JADE3: variants seen among roughly 807,000 people sequenced by gnomAD.
JADE3 encodes protein Jade-3.
A neutral mutation model predicts 50.1 loss-of-function variants in JADE3; 2 were observed. That is an observed-to-expected ratio of 0.04 (90% CI 0.02 to 0.13). The LOEUF (loss-of-function observed/expected upper bound fraction) is 0.13. Ranked by LOEUF, JADE3 falls within the 10% of genes least tolerant of loss-of-function variation. The probability of loss-of-function intolerance (pLI) is 1.00; values close to 1 mark genes in which losing one functional copy is unlikely to be tolerated. For missense variants in JADE3, 475 were observed against 634.4 expected (o/e 0.75, Z 2.70); for synonymous variants, 218 against 232.9 (o/e 0.94, Z 0.58).
At chrX:47,053,069 A>T (rs193080760) in intron 8 of JADE3, among the ~76,000 whole-genome samples, 3,318 of 109,480 alleles carry the variant, frequency 0.03, 54 homozygotes, top group Non-Finnish European at 0.041. Flanking sequence ...AAATTTTTTT[A>T]AAAAATGAAA....
intron 1 of JADE3, among the ~76,000 whole-genome samples, chrX:46,915,304 A>G (rs1926058020): frequency 8.9e-6 from 1 of 112,156 alleles, no homozygotes; most frequent in African/African-American, 3.2e-5. Flanking sequence ...CTTACACAAA[A>G]TAGGAGCTGA....
intron 1 of JADE3, among the ~76,000 whole-genome samples, chrX:46,977,541 G>C (rs1231716710): frequency 8.9e-6 from 1 of 112,105 alleles, no homozygotes; most frequent in African/African-American, 3.2e-5. Context: ...ATACAATATA[G>C]TATTGTTAAC....
chrX:47,051,828 G>A (rs1929514997), intron 8 of JADE3, among the ~76,000 whole-genome samples: 1 of 107,778 alleles, frequency 9.3e-6, no homozygotes, highest in African/African-American at 3.4e-5. Context: ...TGGCACAGTG[G>A]CTTATGCCTG....
intron 1 of JADE3, among the ~76,000 whole-genome samples, chrX:46,981,543 T>C (rs1927754119): frequency 8.9e-6 from 1 of 112,047 alleles, no homozygotes; most frequent in African/African-American, 3.2e-5. Context: ...GAATGAAATT[T>C]TGCACCAGAG....
At chrX:46,917,858 CCTCTCTCT>C (rs150958785) in intron 1 of JADE3, among the ~76,000 whole-genome samples, 5 of 22,848 alleles carry the variant, frequency 2.2e-4, no homozygotes, top group Admixed American at 5.4e-4. Context: ...TCTCTCTCAT[CCTCTCTCT>C]CTCTCTCTCT....
chrX:46,958,617 C>G (rs1227757717), intron 1 of JADE3, among the ~76,000 whole-genome samples: 1 of 111,780 alleles, frequency 8.9e-6, no homozygotes, highest in Non-Finnish European at 1.9e-5. Flanking sequence ...CAGAAAAGAG[C>G]CTAAAGTAAG....
chrX:47,038,131 C>A (rs981479439), intron 7 of JADE3, among the ~76,000 whole-genome samples: 1 of 112,062 alleles, frequency 8.9e-6, no homozygotes, highest in Non-Finnish European at 1.9e-5. Context: ...GGATTTCGTT[C>A]TTTTATATGG....
At chrX:46,941,985 G>A (rs1189329490) in intron 1 of JADE3, among the ~76,000 whole-genome samples, 1 of 105,794 alleles carries the variant, frequency 9.5e-6, no homozygotes, top group African/African-American at 3.5e-5. Context: ...CAAGCAATCT[G>A]CCCACTTTAA....
chrX:47,054,783 T>C (rs1282884215), intron 9 of JADE3, among the ~76,000 whole-genome samples, 155 bp downstream of exon 9: 1 of 111,672 alleles, frequency 9.0e-6, no homozygotes, highest in Non-Finnish European at 1.9e-5. Context: ...GACATTGGGC[T>C]CTGTGTAAAT....
At chrX:47,008,369 G>C (rs1025175535) in intron 4 of JADE3, among the ~76,000 whole-genome samples, 1 of 111,746 alleles carries the variant, frequency 8.9e-6, no homozygotes, top group African/African-American at 3.3e-5. Flanking sequence ...CACTTAGAAG[G>C]GAATATGACA....
At position 47,059,346 on chromosome X, in the gene JADE3, G is replaced by T; in HGVS notation, c.*269G>T. ...GGGTATTTGCTCAGTAAATATTTTG[G>T]GGCAGCTTTCCGGTTATATAACACA... On this transcript the variant is annotated 3_prime_UTR_variant, in exon 11 of 11. Coordinates refer to ENST00000614628, the MANE Select transcript of JADE3 (RefSeq NM_014735.5). 3.4e-6 allele frequency: 1 copy of T among 296,702 alleles called. No homozygotes were observed. The highest frequency in any genetic ancestry group is 5.9e-6 in the Non-Finnish European group (1 of 170,531). 24.5% of individuals were successfully genotyped at this position (296,702 alleles called of 1,213,427 possible).
At chrX:46,918,143 C>G (rs1926147948) in intron 1 of JADE3, among the ~76,000 whole-genome samples, 1 of 111,252 alleles carries the variant, frequency 9.0e-6, no homozygotes, top group African/African-American at 3.3e-5. Context: ...TTTAATTAGG[C>G]TCATATAGCT....
chrX:46,969,680 TAC>T (rs1927444666), intron 1 of JADE3, among the ~76,000 whole-genome samples: 1 of 111,268 alleles, frequency 9.0e-6, no homozygotes, highest in Non-Finnish European at 1.9e-5. Context: ...CTACTTAAAA[TAC>T]AAAAATTAGG....
chrX:46,970,840 G>C (rs1927466984), intron 1 of JADE3, among the ~76,000 whole-genome samples: 2 of 111,842 alleles, frequency 1.8e-5, no homozygotes, highest in Non-Finnish European at 1.9e-5. Context: ...TATTGTAAAT[G>C]TATAATGGGT....
intron 1 of JADE3, among the ~76,000 whole-genome samples, chrX:46,940,200 C>G (rs927002877): frequency 8.9e-6 from 1 of 112,404 alleles, no homozygotes; most frequent in African/African-American, 3.2e-5. Flanking sequence ...GAATAAGTAT[C>G]TTAGATGTGA....
chrX:47,020,103 G>T (rs1201207065), intron 4 of JADE3, among the ~76,000 whole-genome samples: 1 of 111,738 alleles, frequency 8.9e-6, no homozygotes, highest in African/African-American at 3.3e-5. Context: ...GGCTGAGGCA[G>T]GTGGATCACC....
chrX:46,923,337 GGTTT>G (rs1189901560), intron 1 of JADE3, among the ~76,000 whole-genome samples: 3 of 95,975 alleles, frequency 3.1e-5, no homozygotes, highest in Admixed American at 2.4e-4. Flanking sequence ...TTTGATATTG[GGTTT>G]GTTTTGTTTT....
intron 4 of JADE3, among the ~76,000 whole-genome samples, chrX:47,024,210 G>A (rs782369316): frequency 1.6e-3 from 174 of 112,059 alleles, no homozygotes; most frequent in Non-Finnish European, 2.8e-3. Flanking sequence ...TGGGCCAGTC[G>A]TGGTGGCTCA....
chrX:46,924,287 C>A (rs1456608898), intron 1 of JADE3, among the ~76,000 whole-genome samples: 2 of 111,726 alleles, frequency 1.8e-5, no homozygotes, highest in Non-Finnish European at 3.8e-5. Context: ...TTCACACTCT[C>A]ATGCCAGCTC....
Sources: allele counts gnomAD v4.1 joint callset (sites outside exome capture counted in the v4.1 genomes callset), GRCh38; gene constraint gnomAD v4.1.1; transcripts MANE v1.5; gene names NCBI Gene and HGNC (gene_info 2026-07-23, HGNC 2026-07-21).